CDKAL1: variants seen among roughly 807,000 people sequenced by gnomAD.
CDKAL1 encodes the protein threonylcarbamoyladenosine tRNA methylthiotransferase.
CDKAL1 carries 32 observed loss-of-function variants against 68.2 expected under a neutral mutation model. The ratio of observed to expected loss-of-function variants is 0.47; its 90% CI spans 0.35 to 0.63. The LOEUF is 0.63. Ranked by LOEUF, CDKAL1 falls within the 30% of genes least tolerant of loss-of-function variation. The pLI is 0.00. For synonymous variants in CDKAL1, 234 were observed against 244.3 expected, an observed-to-expected ratio of 0.96 and a Z score of 0.39; for missense variants, 606 against 696.7, an observed-to-expected ratio of 0.87 and a Z score of 1.47.
chr6:21,203,215 A>ATTTTTTTTTTT lies in CDKAL1; in HGVS notation c.1548+1968_1548+1978dup, dbSNP rs371165972. ...TAGGCATGCACCACCATCCTGGCTAATTTTTTTTTTTTTTTTTTTTTTTTT... is the reference window on the plus strand; with the variant it reads ...TAGGCATGCACCACCATCCTGGCTAATTTTTTTTTTTTTTTTTTTTTTTTTTTTTTTTTTTT... On this transcript the variant is annotated intron_variant, in intron 15 of 15. Coordinates refer to ENST00000274695, the MANE Select transcript of CDKAL1 (RefSeq NM_017774.3). 6.4e-5 allele frequency among the ~76,000 whole-genome samples: 3 copies of ATTTTTTTTTTT among 47,124 alleles called. 1 individual carries two copies. Among genetic ancestry groups the ATTTTTTTTTTT allele is most frequent in the Non-Finnish European group, 1.1e-4 (3 of 26,136 alleles). The allele number at this position is 47,124 out of a possible 152,430, so 30.9% of individuals were successfully genotyped here.
intron 9 of CDKAL1, among the ~76,000 whole-genome samples, chr6:20,925,577 A>G (rs910721459): frequency 3.9e-5 from 6 of 152,214 alleles, no homozygotes; most frequent in African/African-American, 1.4e-4. Context: ...GTGAGAATAC[A>G]TCTGATAATT....
At chr6:21,139,458 A>C (rs1361074029) in intron 13 of CDKAL1, among the ~76,000 whole-genome samples, 1 of 152,212 alleles carries the variant, frequency 6.6e-6, no homozygotes, top group Non-Finnish European at 1.5e-5. Context: ...AAGAAAAGGT[A>C]GAGAAAAATA....
At chr6:21,125,058 T>A (rs78685315) in intron 13 of CDKAL1, among the ~76,000 whole-genome samples, 1,763 of 152,238 alleles carry the variant, frequency 0.012, 43 homozygotes, top group African/African-American at 0.039. Context: ...ATCTGTTTCA[T>A]CTTTCCCAAT....
chr6:21,188,837 AGCTTTATAG>A (rs1402294205), intron 13 of CDKAL1, among the ~76,000 whole-genome samples: 1 of 152,086 alleles, frequency 6.6e-6, no homozygotes, highest in Non-Finnish European at 1.5e-5. Flanking sequence ...TTCCACAAAA[AGCTTTATAG>A]GCAATACCTT....
intron 5 of CDKAL1, among the ~76,000 whole-genome samples, chr6:20,658,337 C>T (rs1357405326): frequency 1.3e-5 from 2 of 152,086 alleles, no homozygotes; most frequent in Non-Finnish European, 2.9e-5. Flanking sequence ...CTGCCTTTGC[C>T]TGTAGAAATA....
intron 9 of CDKAL1, among the ~76,000 whole-genome samples, chr6:20,942,302 G>A (rs1163847442): frequency 6.7e-6 from 1 of 148,646 alleles, no homozygotes; most frequent in African/African-American, 2.5e-5. Context: ...GCTATTGTCA[G>A]TTTTTTGCAT....
At chr6:20,724,764 G>A (rs1772565865) in intron 5 of CDKAL1, among the ~76,000 whole-genome samples, 1 of 152,172 alleles carries the variant, frequency 6.6e-6, no homozygotes, top group Non-Finnish European at 1.5e-5. Flanking sequence ...GGATCTCATA[G>A]TACTACAGCT....
chr6:21,116,972 G>T (rs1774443944), intron 13 of CDKAL1, among the ~76,000 whole-genome samples: 1 of 152,130 alleles, frequency 6.6e-6, no homozygotes, highest in Admixed American at 6.6e-5. Context: ...CTCCATCCCG[G>T]GGCTGGTCAC....
intron 2 of CDKAL1, among the ~76,000 whole-genome samples, chr6:20,536,354 A>C (rs781694172): frequency 6.6e-6 from 1 of 152,034 alleles, no homozygotes; most frequent in Non-Finnish European, 1.5e-5. Flanking sequence ...GTTTTTTTCT[A>C]AGAGTTTCAT....
chr6:21,207,371 T>A (rs72838043), intron 15 of CDKAL1, among the ~76,000 whole-genome samples: 21,680 of 151,926 alleles, frequency 0.14, 1,618 homozygotes, highest in East Asian at 0.22. Context: ...ATAACAATTT[T>A]AAAAATTAGC....
At chr6:20,879,230 A>G (rs1466030503) in intron 9 of CDKAL1, among the ~76,000 whole-genome samples, 1 of 152,232 alleles carries the variant, frequency 6.6e-6, no homozygotes, top group African/African-American at 2.4e-5. Flanking sequence ...CAAAACCTCT[A>G]GTACCAGTGA....
intron 8 of CDKAL1, among the ~76,000 whole-genome samples, chr6:20,826,953 C>T (rs1252139046): frequency 6.6e-6 from 1 of 152,162 alleles, no homozygotes; most frequent in Admixed American, 6.6e-5. Context: ...TACCAAAAAT[C>T]TTAATTTCAT....
chr6:20,736,304 C>T (rs1022308487), intron 5 of CDKAL1, among the ~76,000 whole-genome samples: 2 of 152,246 alleles, frequency 1.3e-5, no homozygotes, highest in African/African-American at 2.4e-5. Context: ...GCAACAGAGA[C>T]CTTATGACCA....
At chr6:20,934,407 A>G (rs1279749630) in intron 9 of CDKAL1, among the ~76,000 whole-genome samples, 1 of 152,200 alleles carries the variant, frequency 6.6e-6, no homozygotes, top group Admixed American at 6.5e-5. Flanking sequence ...TGTTATTGCC[A>G]TGAGTAACAT....
At chr6:21,224,344 T>C (rs774012004) in intron 15 of CDKAL1, among the ~76,000 whole-genome samples, 19 of 152,150 alleles carry the variant, frequency 1.2e-4, no homozygotes, top group African/African-American at 4.1e-4. Flanking sequence ...CTGACCAATA[T>C]GGTGAAACCC....
chr6:20,566,625 T>C (rs779249354), intron 4 of CDKAL1, among the ~76,000 whole-genome samples: 2 of 152,192 alleles, frequency 1.3e-5, no homozygotes, highest in South Asian at 2.1e-4. Context: ...TTAACATCTT[T>C]TGATTTTTTT....
At position 20,860,933 on chromosome 6, in the gene CDKAL1, A is replaced by T. The variant is rs1009409644; in HGVS notation, c.742+14755A>T. 4.7e-3 allele frequency among the ~76,000 whole-genome samples: 633 copies of T among 134,192 alleles called. 4 individuals carry two copies. Among genetic ancestry groups the T allele is most frequent in the African/African-American group, 0.016 (583 of 36,038 alleles). The allele number at this position is 134,192 out of a possible 152,430, so 88.0% of individuals were successfully genotyped here. On this transcript the variant is annotated intron_variant, in intron 9 of 15. Transcript: ENST00000274695. The stretch of plus-strand genomic sequence containing the variant: ...AGAAACATTCTGCGTAGTGTGGTCT[A>T]TTTTTTTTTTTTTTTTTTTTAGAGA...
intron 8 of CDKAL1, among the ~76,000 whole-genome samples, chr6:20,831,866 C>T (rs1421541407): frequency 2.0e-5 from 3 of 152,080 alleles, no homozygotes; most frequent in Non-Finnish European, 2.9e-5. Context: ...GTAGAATGGT[C>T]GACGTTGAGT....
intron 4 of CDKAL1, among the ~76,000 whole-genome samples, chr6:20,605,505 T>G (rs1396873492): frequency 6.6e-6 from 1 of 152,238 alleles, no homozygotes; most frequent in East Asian, 1.9e-4. Flanking sequence ...CTTTTTCTTA[T>G]TTTTTACATG....
Sources: gnomAD v4.1 joint callset for allele counts (sites outside exome capture counted in the v4.1 genomes callset) on GRCh38, gnomAD v4.1.1 for gene constraint, MANE v1.5 for transcripts, NCBI Gene and HGNC (gene_info 2026-07-23, HGNC 2026-07-21) for gene names.